Variants in SNAP25 observed in about 807,000 individuals in gnomAD.
SNAP25 encodes the protein synaptosome associated protein 25.
SNAP25 carries 3 observed loss-of-function variants against 28.7 expected under a neutral mutation model. That is an observed-to-expected ratio of 0.10 (90% CI 0.05 to 0.27). The LOEUF (loss-of-function observed/expected upper bound fraction) is 0.27, where lower values mean the gene tolerates loss of function less well. Ranked by LOEUF, SNAP25 falls within the 10% of genes least tolerant of loss-of-function variation. The probability of loss-of-function intolerance (pLI) is 1.00; values close to 1 mark genes in which losing one functional copy is unlikely to be tolerated. For missense variants in SNAP25, 117 were observed against 278.7 expected (o/e 0.42, Z 4.13); for synonymous variants, 61 against 88.1 (o/e 0.69, Z 1.72).
At chr20:10,240,498 G>T (rs1010219157) in intron 1 of SNAP25, among the ~76,000 whole-genome samples, 1 of 152,142 alleles carries the variant, frequency 6.6e-6, no homozygotes. Context: ...AGATGATAAA[G>T]AACTTGGGCA....
At chr20:10,241,156 G>T (rs2122736018) in intron 1 of SNAP25, among the ~76,000 whole-genome samples, 1 of 151,208 alleles carries the variant, frequency 6.6e-6, no homozygotes, top group South Asian at 2.1e-4. Flanking sequence ...AACTGCAGAG[G>T]CCTTGGCTGG....
chr20:10,279,969 C>A (rs142673027), intron 3 of SNAP25, among the ~76,000 whole-genome samples: 3 of 152,156 alleles, frequency 2.0e-5, no homozygotes, highest in Non-Finnish European at 4.4e-5. Context: ...TCAAAAAGGA[C>A]GTTCTCTAAA....
chr20:10,257,699 GA>G (rs2063344222), intron 1 of SNAP25, among the ~76,000 whole-genome samples: 1 of 148,032 alleles, frequency 6.8e-6, no homozygotes, highest in Admixed American at 6.7e-5. Flanking sequence ...CAACAAGAGC[GA>G]AACTCCGTCT....
intron 1 of SNAP25, among the ~76,000 whole-genome samples, chr20:10,245,455 C>T (rs1410511829): frequency 2.0e-5 from 3 of 152,144 alleles, no homozygotes; most frequent in Admixed American, 6.5e-5. Context: ...TCAGGAGTTT[C>T]GTAAGGCAAA....
chr20:10,300,923 C>T (rs1555795478), intron 7 of SNAP25, among the ~76,000 whole-genome samples: 3 of 152,062 alleles, frequency 2.0e-5, no homozygotes, highest in African/African-American at 4.8e-5. Context: ...TAACCCATTA[C>T]GGCCCAGAAT....
chr20:10,292,758 A>G (rs2064026303), intron 4 of SNAP25: 1 of 661,678 alleles, frequency 1.5e-6, no homozygotes. Context: ...TCAACAATGC[A>G]TCCTCTTGGA....
rs1198846176 is a variant in SNAP25 at position 10,296,991 on chromosome 20, G to A, written c.348G>A (p.Gln116=). The change falls in exon 6 of 8, where the codon CAG becomes CAA. Residue 116 remains glutamine, a synonymous_variant. Transcript: ENST00000254976. ...GNNQDGVVAS[Q]PARVVDEREQ... ...ATCAGGACGGAGTGGTGGCCAGCCA[G>A]CCTGCTCGTGTAGTGGACGAACGGG... The A allele has an allele frequency of 5.0e-6, 8 of 1,613,378 alleles. No homozygotes were observed. The highest frequency in any genetic ancestry group is 6.8e-6 in the Non-Finnish European group (8 of 1,179,704).
chr20:10,262,254 G>A (rs537930615), intron 1 of SNAP25, among the ~76,000 whole-genome samples: 29 of 152,252 alleles, frequency 1.9e-4, no homozygotes, highest in African/African-American at 6.3e-4. Context: ...TAGCATAGAC[G>A]AGTCCCTTCC....
At chr20:10,299,208 C>T in intron 6 of SNAP25, 60 bp from the exon 7 acceptor site, 1 of 1,578,408 alleles carries the variant, frequency 6.3e-7, no homozygotes, top group Non-Finnish European at 8.6e-7. Flanking sequence ...TGCTTTGGGT[C>T]CTTGGTATTC....
In SNAP25 at chr20:10,281,064, T is replaced by A. The variant is rs76905082; in HGVS notation, c.114+3338T>A. Among the ~76,000 whole-genome samples, 769 of 152,230 alleles carry A rather than the reference T, an allele frequency of 5.1e-3. 6 individuals are homozygous for A. The highest frequency in any genetic ancestry group is 0.017 in the African/African-American group (724 of 41,528). ...AAACGTTCTATAAAGATTGTCTTAG[T>A]TCATCTGGAAAAATTTTTTTAAAAA... On this transcript the variant is annotated intron_variant, in intron 3 of 7. Transcript: ENST00000254976.
chr20:10,279,010 G>C (rs2063738394), intron 3 of SNAP25, among the ~76,000 whole-genome samples: 1 of 152,116 alleles, frequency 6.6e-6, no homozygotes, highest in Non-Finnish European at 1.5e-5. Flanking sequence ...TGGCACAAAC[G>C]GGACACACCG....
chr20:10,242,116 G>A (rs1473568905), intron 1 of SNAP25, among the ~76,000 whole-genome samples: 1 of 152,222 alleles, frequency 6.6e-6, no homozygotes, highest in Non-Finnish European at 1.5e-5. Context: ...TGGAGCAGAA[G>A]AGAAGCTGAT....
chr20:10,221,616 C>A (rs993544338), intron 1 of SNAP25, among the ~76,000 whole-genome samples: 1 of 152,206 alleles, frequency 6.6e-6, no homozygotes. Flanking sequence ...ATTTACAATC[C>A]TCTTAACCTC....
chr20:10,278,318 A>G (rs2063725547), intron 3 of SNAP25, among the ~76,000 whole-genome samples: 3 of 152,214 alleles, frequency 2.0e-5, no homozygotes, highest in Non-Finnish European at 4.4e-5. Flanking sequence ...TTGAGCATCC[A>G]TTTGCCAGGC....
intron 3 of SNAP25, among the ~76,000 whole-genome samples, chr20:10,281,384 G>C (rs1467103833): frequency 6.6e-6 from 1 of 152,166 alleles, no homozygotes; most frequent in Non-Finnish European, 1.5e-5. Flanking sequence ...ATTTTTGATA[G>C]AAGCTGTCAG....
intron 1 of SNAP25, among the ~76,000 whole-genome samples, chr20:10,267,312 A>G (rs540586407): frequency 1.5e-4 from 23 of 152,316 alleles, no homozygotes; most frequent in African/African-American, 5.3e-4. Context: ...TAAATAAGTC[A>G]TTTGTCAATT....
At chr20:10,282,668 A>C (rs1171252649) in intron 3 of SNAP25, among the ~76,000 whole-genome samples, 1 of 152,224 alleles carries the variant, frequency 6.6e-6, no homozygotes, top group Non-Finnish European at 1.5e-5. Context: ...CACTGTCCCC[A>C]GTAGAATGGA....
intron 1 of SNAP25, among the ~76,000 whole-genome samples, chr20:10,230,366 G>T (rs933568934): frequency 6.6e-6 from 1 of 152,076 alleles, no homozygotes; most frequent in Non-Finnish European, 1.5e-5. Context: ...TTGAGAGGGG[G>T]AAAATGGTTC....
rs764741216 is a variant in SNAP25, at chr20:10,297,060, A to G, written c.407+10A>G. On this transcript the variant is annotated intron_variant, in intron 6 of 7. Transcript: ENST00000254976. ...GCGGCTTCATCCGCAGGTGAGCCTC[A>G]TGCAGCATACACTGTAGCAGTTCTC... is the stretch of plus-strand genomic sequence containing the variant. The G allele has an allele frequency of 6.3e-7, 1 of 1,585,804 alleles. No homozygotes were observed. Among genetic ancestry groups the G allele is most frequent in the South Asian group, 1.2e-5 (1 of 85,226 alleles).
Sources: gnomAD v4.1 joint callset for allele counts (sites outside exome capture counted in the v4.1 genomes callset) on GRCh38, gnomAD v4.1.1 for gene constraint, MANE v1.5 for transcripts, NCBI Gene and HGNC (gene_info 2026-07-23, HGNC 2026-07-21) for gene names.